Variants in RNF135 observed in about 807,000 individuals in gnomAD.
The protein encoded by RNF135 is E3 ubiquitin-protein ligase RNF135.
RNF135 carries 46 observed loss-of-function variants against 41.9 expected under a neutral mutation model. The ratio of observed to expected loss-of-function variants is 1.10; its 90% CI spans 0.87 to 1.40. RNF135 has a LOEUF of 1.40. RNF135 is among the 40% of genes most tolerant of loss of function. The pLI, the probability that RNF135 is intolerant of heterozygous loss-of-function variation, is 0.00. For missense variants in RNF135, 539 were observed against 549.8 expected, an observed-to-expected ratio of 0.98 and a Z score of 0.20; for synonymous variants, 238 against 223.8, an observed-to-expected ratio of 1.06 and a Z score of -0.57.
At position 30,971,318 on chromosome 17, in the gene RNF135, C is replaced by T; in HGVS notation, c.245C>T (p.Ala82Val). ...LRKNTLLQDLADKYRRAAREI... is the reference protein window; with the variant it reads ...LRKNTLLQDLVDKYRRAAREI... ...AAGAACACGCTACTGCAGGACCTGG[C>T]CGACAAGTACCGCCGCGCCGCACGC... The change falls in exon 1 of 5, where the codon GCC becomes GTC. Residue 82 changes from alanine to valine, a missense_variant. Physicochemically the swap from Ala to Val is moderately conservative, Grantham distance 64 (BLOSUM62 0). Coordinates refer to ENST00000328381, the MANE Select transcript of RNF135 (RefSeq NM_032322.4). 1.3e-6 allele frequency: 2 copies of T among 1,533,776 alleles called. No homozygotes were observed. Among genetic ancestry groups the T allele is most frequent in the Admixed American group, 4.0e-5 (2 of 50,426 alleles).
chr17:30,971,822 C>A, intron 1 of RNF135: 1 of 724,146 alleles, frequency 1.4e-6, no homozygotes, highest in Non-Finnish European at 1.7e-6. Flanking sequence ...CTCGCTCTGT[C>A]GCCCAGGCTG....
rs769610907 is a variant in RNF135 at position 30,983,337 on chromosome 17, ATATATATATATATATATTTT to A, written c.373-1278_373-1259del. On this transcript the variant is annotated intron_variant, in intron 1 of 4. Coordinates refer to ENST00000328381, the MANE Select transcript of RNF135 (RefSeq NM_032322.4). ...TATATGTACATATATATATATATAT[ATATATATATATATATATTTT>A]TTTTTTTTTTTTTTGAGATGGAGTC... is the stretch of plus-strand genomic sequence containing the variant. Among the ~76,000 whole-genome samples the A allele has an allele frequency of 0.015, 377 of 25,694 alleles. 33 individuals carry two copies. The East Asian group carries it at 0.25, about 17-fold the overall frequency. 16.9% of individuals were successfully genotyped at this position (25,694 alleles called of 152,430 possible). A position where few individuals can be genotyped will look rare whatever the true frequency, so the allele number is the denominator to read the frequency against.
chr17:30,971,287 C>G lies in RNF135; in HGVS notation c.214C>G (p.Leu72Val), dbSNP rs759939113. Residue 72 changes from leucine to valine, a missense_variant, in exon 1 of 5, where the codon CTG (leucine) becomes GTG (valine). By Grantham distance (32) the Leu-to-Val change is conservative. This residue lies in a region of RNF135 where 277 missense variants were observed against 212.8 expected (regional missense o/e 1.30). Coordinates refer to ENST00000328381, the MANE Select transcript of RNF135 (RefSeq NM_032322.4). ...CRQGAAQQPH[L>V]RKNTLLQDLA... ...CCAGGGCGCCGCGCAGCAGCCGCAC[C>G]TGCGGAAGAACACGCTACTGCAGGA... is the stretch of plus-strand genomic sequence containing the variant. The G allele has an allele frequency of 4.6e-6, 7 of 1,528,078 alleles. No individual in the cohort carries two copies. Among genetic ancestry groups the G allele is most frequent in the East Asian group, 2.6e-5 (1 of 39,034 alleles). 94.7% of individuals were successfully genotyped at this position (1,528,078 alleles called of 1,614,324 possible).
At chr17:30,993,296 G>A (rs548553498) in intron 3 of RNF135, among the ~76,000 whole-genome samples, 103 of 152,168 alleles carry the variant, frequency 6.8e-4, no homozygotes, top group Non-Finnish European at 1.2e-3. Context: ...CCTGACCTCA[G>A]GTGATCTGCC....
At chr17:30,998,631 T>G (rs781140779) in intron 4 of RNF135, 31 bp from the exon 5 acceptor site, 1 of 1,606,984 alleles carries the variant, frequency 6.2e-7, no homozygotes, top group Non-Finnish European at 8.5e-7. Flanking sequence ...TGACCGGCCA[T>G]GTTCTTATTG....
At chr17:30,962,974 G>A in the RNF135 span, among the ~76,000 whole-genome samples, 1 of 151,802 alleles carries the variant, frequency 6.6e-6, no homozygotes, top group Non-Finnish European at 1.5e-5. Context: ...GGTATGGAGT[G>A]GTATTTTATT....
At chr17:30,972,812 T>TGTTGCC (rs1906108969) in intron 1 of RNF135, 2 of 152,394 alleles carry the variant, frequency 1.3e-5, no homozygotes, top group East Asian at 3.9e-4. Context: ...AGTCTTGCTC[T>TGTTGCC]GTTGCCAGGC....
At chr17:30,966,556 G>A (rs979337910), upstream of RNF135, among the ~76,000 whole-genome samples, 6 of 150,756 alleles carry the variant, frequency 4.0e-5, no homozygotes, top group East Asian at 1.9e-4. Flanking sequence ...GTGCAGTGGC[G>A]CGATCTTGGC....
rs1295155032 is a variant in RNF135, at chr17:30,999,312, C to T, written c.*121C>T. 2 of 1,126,466 alleles carry T rather than the reference C, an allele frequency of 1.8e-6. No homozygotes were observed. The highest frequency in any genetic ancestry group is 2.6e-6 in the Non-Finnish European group (2 of 777,536). The allele number at this position is 1,126,466 out of a possible 1,614,324, so 69.8% of individuals were successfully genotyped here. A position where few individuals can be genotyped will look rare whatever the true frequency, so the allele number is the denominator to read the frequency against. On this transcript the variant is annotated 3_prime_UTR_variant, in exon 5 of 5. Coordinates refer to ENST00000328381, the MANE Select transcript of RNF135 (RefSeq NM_032322.4). ...AAATTACGATAGAGATGGGATCTCA[C>T]TAGGTTGCCCAGGCTGGTGTCGAAT... is the stretch of plus-strand genomic sequence containing the variant.
chr17:30,975,831 T>C (rs1026625428), intron 1 of RNF135: 19 of 939,502 alleles, frequency 2.0e-5, no homozygotes, highest in Non-Finnish European at 2.4e-5. Context: ...GGCCACAGAA[T>C]AGTCCATTTT....
At chr17:30,975,908 A>C (rs1392785405) in intron 1 of RNF135, 7 of 612,518 alleles carry the variant, frequency 1.1e-5, no homozygotes, top group Non-Finnish European at 2.1e-5. Flanking sequence ...TTGGGCTCCA[A>C]GCTTCAATTC....
chr17:30,971,523 C>T, intron 1 of RNF135, 78 bp downstream of exon 1: 5 of 1,399,420 alleles, frequency 3.6e-6, no homozygotes, highest in Non-Finnish European at 4.6e-6. Context: ...TGGCTCGAAC[C>T]CCTTTCCTCA....
At chr17:30,983,759 T>C (rs911816084) in intron 1 of RNF135, among the ~76,000 whole-genome samples, 2 of 151,892 alleles carry the variant, frequency 1.3e-5, no homozygotes, top group Non-Finnish European at 2.9e-5. Flanking sequence ...CAACATTTGT[T>C]ATTTTGGTTT....
At chr17:30,969,015 C>G (rs1385202828), upstream of RNF135, 4 of 152,330 alleles carry the variant, frequency 2.6e-5, no homozygotes, top group Non-Finnish European at 4.4e-5. Flanking sequence ...ATCCTCCCAC[C>G]TCAGTCTCCT....
chr17:30,965,880 G>A, the RNF135 span, among the ~76,000 whole-genome samples: 1 of 152,188 alleles, frequency 6.6e-6, no homozygotes, highest in Non-Finnish European at 1.5e-5. Context: ...GGCCAACTGA[G>A]TCACAAGTCA....
rs1229730684 is a variant in RNF135 at position 30,999,581 on chromosome 17, G to A, written c.*390G>A. On this transcript the variant is annotated 3_prime_UTR_variant, in exon 5 of 5. Coordinates refer to ENST00000328381, the MANE Select transcript of RNF135 (RefSeq NM_032322.4). ...ATAAGAGTGTTTTTGTTTACCTGTGGGCCTTGGGCCATGCAGTATCAGCTT... is the reference window on the plus strand; with the variant it reads ...ATAAGAGTGTTTTTGTTTACCTGTGAGCCTTGGGCCATGCAGTATCAGCTT... 4.1e-6 allele frequency: 1 copy of A among 246,686 alleles called. No individual in the cohort carries two copies. Among genetic ancestry groups the A allele is most frequent in the Non-Finnish European group, 8.1e-6 (1 of 123,290 alleles). 15.3% of individuals were successfully genotyped at this position (246,686 alleles called of 1,614,324 possible).
rs1449924373 is a variant in RNF135, at chr17:30,984,708, A to G, written c.464A>G (p.Gln155Arg). Residue 155 changes from glutamine (Q) to arginine (R), a missense_variant, in exon 2 of 5, where the codon CAG (glutamine) becomes CGG (arginine). Physicochemically the swap from Gln to Arg is conservative, Grantham distance 43 (BLOSUM62 1). Coordinates refer to ENST00000328381, the MANE Select transcript of RNF135 (RefSeq NM_032322.4). ...GACATTGTCAGAAGCCTGCAGAATCAGAGGCCCCTATCAGAATCTGGACCA... is the reference window on the plus strand; with the variant it reads ...GACATTGTCAGAAGCCTGCAGAATCGGAGGCCCCTATCAGAATCTGGACCA... ...LVDIVRSLQNQRPLSESGPDN... is the reference protein window; with the variant it reads ...LVDIVRSLQNRRPLSESGPDN... 1 of 1,614,202 alleles carries G rather than the reference A, an allele frequency of 6.2e-7. No homozygotes were observed. Among genetic ancestry groups the G allele is most frequent in the South Asian group, 1.1e-5 (1 of 91,084 alleles).
chr17:30,984,331 A>C lies in RNF135; in HGVS notation c.373-286A>C, dbSNP rs558442714. On this transcript the variant is annotated intron_variant, in intron 1 of 4. Coordinates refer to ENST00000328381, the MANE Select transcript of RNF135 (RefSeq NM_032322.4). The stretch of plus-strand genomic sequence containing the variant: ...CATTTTGAGTTAGTTTTTGTATATG[A>C]TGTTAGGTAAGGGTCCAGCCATATT... 2.2e-4 allele frequency among the ~76,000 whole-genome samples: 34 copies of C among 152,218 alleles called. 1 individual carries two copies. The highest frequency in any genetic ancestry group is 7.7e-4 in the African/African-American group (32 of 41,536).
At chr17:30,990,865 A>G (rs190684693) in intron 3 of RNF135, among the ~76,000 whole-genome samples, 152 of 152,282 alleles carry the variant, frequency 1.0e-3, no homozygotes, top group Admixed American at 1.6e-3. Context: ...CAGTATTCCA[A>G]TATCTGGGTA....
Sources: allele counts gnomAD v4.1 joint callset (sites outside exome capture counted in the v4.1 genomes callset), GRCh38; gene constraint gnomAD v4.1.1; regional missense constraint gnomAD v4.1.1; transcripts MANE v1.5; gene names NCBI Gene and HGNC (gene_info 2026-07-23, HGNC 2026-07-21).